The following SLC35F3 variants were observed in gnomAD, a reference collection of about 807,000 sequenced individuals.
The protein encoded by SLC35F3 is solute carrier family 35 member F3, also known as putative thiamine transporter SLC35F3.
Under a neutral mutation model 49.9 loss-of-function variants are expected in SLC35F3, and 25 were observed. The observed-to-expected ratio is 0.50, with a 90% CI of 0.37 to 0.70. The LOEUF (loss-of-function observed/expected upper bound fraction) is 0.70, where lower values mean the gene tolerates loss of function less well. Among genes scored for constraint, SLC35F3 ranks in the 30% least tolerant of loss-of-function variants. The pLI, the probability that SLC35F3 is intolerant of heterozygous loss-of-function variation, is 0.00. For synonymous variants in SLC35F3, 275 were observed against 265.4 expected, an observed-to-expected ratio of 1.04 and a Z score of -0.35; for missense variants, 525 against 639.8, an observed-to-expected ratio of 0.82 and a Z score of 1.94.
intron 3 of SLC35F3, among the ~76,000 whole-genome samples, chr1:234,245,815 G>T (rs1181772524): frequency 1.3e-5 from 2 of 152,208 alleles, no homozygotes; most frequent in Admixed American, 6.5e-5. Context: ...GTGGTCCGTG[G>T]TAATCACACT....
intron 2 of SLC35F3, among the ~76,000 whole-genome samples, chr1:234,179,197 G>A (rs945249785): frequency 4.2e-4 from 64 of 152,100 alleles, no homozygotes; most frequent in African/African-American, 1.4e-3. Context: ...CTCCTACGCC[G>A]AGTGTTTCAG....
intron 3 of SLC35F3, among the ~76,000 whole-genome samples, chr1:234,236,870 T>C (rs1667478111): frequency 6.7e-6 from 1 of 148,558 alleles, no homozygotes; most frequent in African/African-American, 2.5e-5. Context: ...ATTGTTGTTC[T>C]TGACCCTAAG....
intron 2 of SLC35F3, among the ~76,000 whole-genome samples, chr1:233,906,076 T>G (rs937310804): frequency 6.6e-6 from 1 of 152,212 alleles, no homozygotes; most frequent in Non-Finnish European, 1.5e-5. Flanking sequence ...AAACTCAAAG[T>G]ATCCCGGACA....
chr1:234,191,315 T>C (rs11484495), intron 2 of SLC35F3, among the ~76,000 whole-genome samples: 12,111 of 152,096 alleles, frequency 0.08, 1,345 homozygotes, highest in African/African-American at 0.25. Context: ...CATGCAAATA[T>C]ATGAAAATTA....
At chr1:234,190,259 TA>T (rs1270537428) in intron 2 of SLC35F3, among the ~76,000 whole-genome samples, 3 of 152,160 alleles carry the variant, frequency 2.0e-5, no homozygotes, top group Non-Finnish European at 4.4e-5. Flanking sequence ...ATGCTCTGCT[TA>T]AAAAATACAG....
intron 2 of SLC35F3, among the ~76,000 whole-genome samples, chr1:234,104,888 T>C (rs1475885276): frequency 6.6e-6 from 1 of 152,198 alleles, no homozygotes; most frequent in Non-Finnish European, 1.5e-5. Context: ...CCCAGCACTT[T>C]GGGAGGCCGA....
At chr1:233,905,156 A>T in intron 1 of SLC35F3, 26 bp downstream of exon 1, 1 of 1,550,430 alleles carries the variant, frequency 6.4e-7, no homozygotes, top group African/African-American at 1.4e-5. Flanking sequence ...GGCGTGGGTG[A>T]GCGAGCCGGC....
At chr1:234,302,433 G>A (rs939212397) in intron 3 of SLC35F3, among the ~76,000 whole-genome samples, 5 of 152,094 alleles carry the variant, frequency 3.3e-5, no homozygotes, top group African/African-American at 7.2e-5. Flanking sequence ...AGCAGGCATC[G>A]ACTAGAGTAG....
At chr1:234,288,326 T>C (rs1337351453) in intron 3 of SLC35F3, among the ~76,000 whole-genome samples, 7 of 152,200 alleles carry the variant, frequency 4.6e-5, no homozygotes, top group African/African-American at 7.2e-5. Flanking sequence ...CATTAGGAAA[T>C]TGACATGGCT....
intron 2 of SLC35F3, among the ~76,000 whole-genome samples, chr1:233,915,177 C>T (rs1661947922): frequency 6.6e-6 from 1 of 152,224 alleles, no homozygotes; most frequent in Admixed American, 6.5e-5. Context: ...ATTTCCAGTG[C>T]TTGACCAGAT....
chr1:234,146,514 G>A (rs571568301), intron 2 of SLC35F3, among the ~76,000 whole-genome samples: 10 of 87,588 alleles, frequency 1.1e-4, no homozygotes, highest in Non-Finnish European at 1.8e-4. Flanking sequence ...TTCTGGAGAC[G>A]GAGTTTCGCT....
At chr1:234,255,336 G>C (rs1239459643) in intron 3 of SLC35F3, among the ~76,000 whole-genome samples, 1 of 152,174 alleles carries the variant, frequency 6.6e-6, no homozygotes, top group African/African-American at 2.4e-5. Flanking sequence ...CCAAGATCTA[G>C]AACACTGACA....
chr1:234,076,393 T>G (rs1664792022), intron 2 of SLC35F3, among the ~76,000 whole-genome samples: 1 of 151,748 alleles, frequency 6.6e-6, no homozygotes, highest in Non-Finnish European at 1.5e-5. Flanking sequence ...AGCCCAAGAG[T>G]TTGAGACCCA....
At chr1:233,971,249 C>G (rs1038547945) in intron 2 of SLC35F3, among the ~76,000 whole-genome samples, 5 of 152,188 alleles carry the variant, frequency 3.3e-5, no homozygotes, top group African/African-American at 1.2e-4. Context: ...CTTTCCAGAC[C>G]CACTTCATCA....
intron 3 of SLC35F3, among the ~76,000 whole-genome samples, chr1:234,247,421 GGGTT>G (rs1667651489): frequency 6.6e-6 from 1 of 152,002 alleles, no homozygotes; most frequent in African/African-American, 2.4e-5. Flanking sequence ...ATTGTTTGGT[GGGTT>G]GGTTGGTTGG....
chr1:233,974,345 C>T (rs1456720938), intron 2 of SLC35F3, among the ~76,000 whole-genome samples: 1 of 151,804 alleles, frequency 6.6e-6, no homozygotes, highest in South Asian at 2.1e-4. Flanking sequence ...CCACCACCCT[C>T]GGCAGATTTT....
chr1:233,918,387 A>C (rs1208039662), intron 2 of SLC35F3, among the ~76,000 whole-genome samples: 1 of 152,190 alleles, frequency 6.6e-6, no homozygotes, highest in Admixed American at 6.5e-5. Context: ...TCAGCAGTGC[A>C]CTGGGACTGC....
chr1:234,092,501 T>G (rs923272373), intron 2 of SLC35F3, among the ~76,000 whole-genome samples: 5 of 152,070 alleles, frequency 3.3e-5, no homozygotes, highest in African/African-American at 1.2e-4. Context: ...CATGGCACTG[T>G]GAAAAGCCTT....
At chr1:234,112,871 G>A (rs770241356) in intron 2 of SLC35F3, among the ~76,000 whole-genome samples, 5 of 150,896 alleles carry the variant, frequency 3.3e-5, no homozygotes, top group Admixed American at 6.6e-5. Context: ...CACCGTGCCC[G>A]GCCTATAATT....
Sources: gnomAD v4.1 joint callset for allele counts (sites outside exome capture counted in the v4.1 genomes callset) on GRCh38, gnomAD v4.1.1 for gene constraint, MANE v1.5 for transcripts, NCBI Gene and HGNC (gene_info 2026-07-23, HGNC 2026-07-21) for gene names.